Variants in MTRF1 observed in about 807,000 individuals in gnomAD.
MTRF1 encodes the protein peptide chain release factor 1, mitochondrial.
Under a neutral mutation model 62.9 loss-of-function variants are expected in MTRF1, and 51 were observed. That is an observed-to-expected ratio of 0.81 (90% CI 0.65 to 1.02). MTRF1 has a LOEUF of 1.02. Ranked by LOEUF, MTRF1 falls within the 50% of genes least tolerant of loss-of-function variation. The pLI is 0.00. For synonymous variants in MTRF1, 158 were observed against 181.9 expected (o/e 0.87, Z 1.06); for missense variants, 446 against 530.0 (o/e 0.84, Z 1.56).
chr13:41,249,619 C>CTTTTTTTTTTTT (rs1166204914), intron 5 of MTRF1, among the ~76,000 whole-genome samples: 18 of 61,536 alleles, frequency 2.9e-4, no homozygotes, highest in East Asian at 6.4e-4. Flanking sequence ...ATTTTTTTTT[C>CTTTTTTTTTTTT]TTTTTTTTTT....
the MTRF1 span, among the ~76,000 whole-genome samples, chr13:41,294,192 G>A: frequency 1.3e-5 from 2 of 152,186 alleles, no homozygotes; most frequent in South Asian, 4.1e-4. Flanking sequence ...GGCCAAGGCA[G>A]GCAGATCACG....
At chr13:41,296,565 A>G in the MTRF1 span, among the ~76,000 whole-genome samples, 1 of 152,346 alleles carries the variant, frequency 6.6e-6, no homozygotes, top group Middle Eastern at 3.4e-3. Context: ...ATTGTACGGT[A>G]GGCATTGTCA....
intron 2 of MTRF1, among the ~76,000 whole-genome samples, chr13:41,259,602 T>C (rs1329168382): frequency 3.4e-5 from 5 of 148,224 alleles, no homozygotes; most frequent in Admixed American, 1.4e-4. Context: ...CTTGGGAGGC[T>C]GAGGCAGGAG....
chr13:41,277,776 G>C, the MTRF1 span, among the ~76,000 whole-genome samples: 1 of 152,104 alleles, frequency 6.6e-6, no homozygotes. Context: ...GTTAGGGAGC[G>C]GGGCTAAAAG....
chr13:41,290,587 G>C, the MTRF1 span, among the ~76,000 whole-genome samples: 12 of 149,412 alleles, frequency 8.0e-5, no homozygotes, highest in East Asian at 2.2e-3. Context: ...TAGAGATGGG[G>C]TTTCACCATG....
chr13:41,268,857 A>C, the MTRF1 span, among the ~76,000 whole-genome samples: 1 of 152,102 alleles, frequency 6.6e-6, no homozygotes, highest in Admixed American at 6.5e-5. Flanking sequence ...CTTTTTTTAC[A>C]TCAAGCCCAA....
At chr13:41,304,120 G>T in the MTRF1 span, among the ~76,000 whole-genome samples, 2 of 152,292 alleles carry the variant, frequency 1.3e-5, no homozygotes, top group Admixed American at 1.3e-4. Flanking sequence ...TGGATCAGGA[G>T]CTCTTTCTGG....
At chr13:41,279,030 C>T in the MTRF1 span, among the ~76,000 whole-genome samples, 1 of 151,712 alleles carries the variant, frequency 6.6e-6, no homozygotes, top group African/African-American at 2.4e-5. Context: ...TTCTTGCTGC[C>T]CAGGCTGAAG....
chr13:41,222,870 C>A (rs1166196005), intron 9 of MTRF1, among the ~76,000 whole-genome samples: 1 of 152,158 alleles, frequency 6.6e-6, no homozygotes, highest in Non-Finnish European at 1.5e-5. Flanking sequence ...TCAGTTGTCC[C>A]TAGATTTCTG....
At chr13:41,239,326 G>A (rs566669477) in intron 6 of MTRF1, among the ~76,000 whole-genome samples, 7 of 152,258 alleles carry the variant, frequency 4.6e-5, no homozygotes, top group Admixed American at 2.0e-4. Flanking sequence ...ATACAATTAT[G>A]TTTAGTTTTC....
intron 8 of MTRF1, among the ~76,000 whole-genome samples, chr13:41,224,214 C>T (rs1296401657): frequency 1.3e-5 from 2 of 152,134 alleles, no homozygotes; most frequent in Non-Finnish European, 2.9e-5. Flanking sequence ...TTTCTGGCCC[C>T]AGCAATTGAA....
At chr13:41,255,753 G>A (rs2039628377) in intron 2 of MTRF1, among the ~76,000 whole-genome samples, 1 of 152,142 alleles carries the variant, frequency 6.6e-6, no homozygotes, top group Non-Finnish European at 1.5e-5. Context: ...AACCTGTCCT[G>A]TATGGAGAAA....
In MTRF1 at chr13:41,238,696, G is replaced by A. The variant is rs543912613; in HGVS notation, c.870+1565C>T. Among the ~76,000 whole-genome samples, 8 of 152,142 alleles carry A rather than the reference G, an allele frequency of 5.3e-5. No individual in the cohort carries two copies. In the South Asian group the frequency reaches 1.7e-3, roughly 32 times the overall value. Reference sequence around the variant, plus strand: ...TAGAAATTACTTAGTAATTGCAAAGGGAGAAATATACTTTTACAATGGAGA... The same window carrying A: ...TAGAAATTACTTAGTAATTGCAAAGAGAGAAATATACTTTTACAATGGAGA... On this transcript the variant is annotated intron_variant, in intron 6 of 9. Coordinates refer to ENST00000379480, the MANE Select transcript of MTRF1 (RefSeq NM_004294.4).
At chr13:41,243,738 T>C (rs2037857649) in intron 5 of MTRF1, among the ~76,000 whole-genome samples, 1 of 152,200 alleles carries the variant, frequency 6.6e-6, no homozygotes, top group African/African-American at 2.4e-5. Flanking sequence ...TTTTATTGTA[T>C]TTCTTCCCAT....
At chr13:41,228,187 A>G (rs1315535923) in intron 7 of MTRF1, among the ~76,000 whole-genome samples, 2 of 152,100 alleles carry the variant, frequency 1.3e-5, no homozygotes, top group Non-Finnish European at 2.9e-5. Flanking sequence ...TATGTATTTT[A>G]TTATAATGTA....
chr13:41,294,617 A>G, the MTRF1 span, among the ~76,000 whole-genome samples: 3 of 152,142 alleles, frequency 2.0e-5, no homozygotes, highest in East Asian at 1.9e-4. Context: ...AAGGTTAAAA[A>G]GAAAAGATAA....
chr13:41,222,104 T>C (rs4555017), intron 9 of MTRF1, among the ~76,000 whole-genome samples: 28,951 of 151,970 alleles, frequency 0.19, 3,098 homozygotes, highest in Middle Eastern at 0.3. Context: ...ATTTTGAGAA[T>C]AGGATGGGAC....
Position 41,233,900 on chromosome 13 carries a change from G to A in MTRF1, c.978C>T (p.His326=), listed in dbSNP as rs1303891852. The A allele has an allele frequency of 1.9e-6, 3 of 1,612,438 alleles. No individual in the cohort carries two copies. The highest frequency in any genetic ancestry group is 1.3e-5 in the African/African-American group (1 of 74,892). ...NKTDSAVRLV[H]IPTGLVVECQ... ...AAGGGGCTTGCTTACCTGTGGGGAT[G>A]TGGACAAGTCTGACGGCACTATCAG... Residue 326 remains histidine, a synonymous_variant, in exon 7 of 10, where the codon CAC becomes CAT. Transcript: ENST00000379480.
At chr13:41,291,007 A>G in the MTRF1 span, among the ~76,000 whole-genome samples, 10 of 151,014 alleles carry the variant, frequency 6.6e-5, no homozygotes, top group African/African-American at 2.4e-4. Flanking sequence ...GAGGCAGGAG[A>G]ATTGTTTGAA....
Sources: allele counts gnomAD v4.1 joint callset (sites outside exome capture counted in the v4.1 genomes callset), GRCh38; gene constraint gnomAD v4.1.1; transcripts MANE v1.5; gene names NCBI Gene and HGNC (gene_info 2026-07-23, HGNC 2026-07-21).